NUFIP1: variants seen among roughly 807,000 people sequenced by gnomAD.
The protein encoded by NUFIP1 is nuclear FMR1 interacting protein 1, also known as FMR1-interacting protein NUFIP1.
A neutral mutation model predicts 56.2 loss-of-function variants in NUFIP1; 38 were observed. The observed-to-expected ratio is 0.68, with a 90% confidence interval of 0.52 to 0.89. NUFIP1 has a LOEUF of 0.89. Ranked by LOEUF, NUFIP1 falls within the 40% of genes least tolerant of loss-of-function variation. The pLI is 0.00. For synonymous variants in NUFIP1, 215 were observed against 212.4 expected (o/e 1.01, Z -0.10); for missense variants, 567 against 605.8 (o/e 0.94, Z 0.67).
At chr13:44,971,624 C>T (rs1409942308) in intron 5 of NUFIP1, among the ~76,000 whole-genome samples, 1 of 152,126 alleles carries the variant, frequency 6.6e-6, no homozygotes, top group Non-Finnish European at 1.5e-5. Flanking sequence ...ATCAACTCCA[C>T]TGCCACTGAA....
intron 1 of NUFIP1, among the ~76,000 whole-genome samples, chr13:44,984,153 G>C (rs1177669693): frequency 2.0e-5 from 3 of 152,022 alleles, no homozygotes; most frequent in African/African-American, 7.3e-5. Context: ...TCTCTACCTA[G>C]GAAACATCTC....
intron 5 of NUFIP1, among the ~76,000 whole-genome samples, chr13:44,972,516 C>A (rs912584342): frequency 6.6e-6 from 1 of 152,150 alleles, no homozygotes; most frequent in Admixed American, 6.5e-5. Context: ...GCCATCAGGG[C>A]ATAAGGCAAT....
chr13:44,944,996 T>C (rs1401928709), intron 8 of NUFIP1, among the ~76,000 whole-genome samples: 1 of 151,986 alleles, frequency 6.6e-6, no homozygotes, highest in Non-Finnish European at 1.5e-5. Context: ...CTGTAATGTG[T>C]AGGGTCTGAG....
intron 7 of NUFIP1, among the ~76,000 whole-genome samples, chr13:44,957,628 C>T (rs551048588): frequency 1.3e-5 from 2 of 152,186 alleles, no homozygotes; most frequent in African/African-American, 4.8e-5. Flanking sequence ...CTAAGACAAG[C>T]TTAAATAGAA....
intron 5 of NUFIP1, among the ~76,000 whole-genome samples, chr13:44,972,553 A>G (rs1276198646): frequency 3.3e-5 from 5 of 152,334 alleles, no homozygotes; most frequent in South Asian, 2.1e-4. Flanking sequence ...ACACTGTTCT[A>G]TATCTTGATT....
chr13:44,949,039 ATC>A (rs1161147188), intron 8 of NUFIP1, among the ~76,000 whole-genome samples: 1 of 152,174 alleles, frequency 6.6e-6, no homozygotes, highest in Non-Finnish European at 1.5e-5. Context: ...GTCATAAAAG[ATC>A]TCTCTCCATC....
At chr13:44,975,810 G>T (rs139188310) in intron 5 of NUFIP1, among the ~76,000 whole-genome samples, 143 of 152,308 alleles carry the variant, frequency 9.4e-4, no homozygotes, top group African/African-American at 3.4e-3. Flanking sequence ...TCGTAGAAAA[G>T]AGTAAAGTTG....
intron 8 of NUFIP1, among the ~76,000 whole-genome samples, chr13:44,944,741 T>C (rs1870856167): frequency 6.6e-6 from 1 of 151,900 alleles, no homozygotes; most frequent in South Asian, 2.1e-4. Flanking sequence ...ACTAAAATCA[T>C]TAACAGAAAA....
intron 7 of NUFIP1, 25 bp downstream of exon 7, chr13:44,959,356 T>C: frequency 4.4e-6 from 7 of 1,602,320 alleles, no homozygotes; most frequent in South Asian, 1.1e-5. Context: ...CACTTATAAA[T>C]ACGTTATTTT....
At chr13:44,941,669 A>G (rs1159766946) in intron 9 of NUFIP1, among the ~76,000 whole-genome samples, 1 of 151,740 alleles carries the variant, frequency 6.6e-6, no homozygotes, top group Non-Finnish European at 1.5e-5. Context: ...ACCCGCCACC[A>G]TGCCCGGCTA....
At chr13:44,982,853 T>C (rs1458269442) in intron 1 of NUFIP1, among the ~76,000 whole-genome samples, 2 of 151,922 alleles carry the variant, frequency 1.3e-5, no homozygotes, top group Non-Finnish European at 2.9e-5. Context: ...CAAAAAAATT[T>C]AAAAATTAGC....
intron 7 of NUFIP1, among the ~76,000 whole-genome samples, chr13:44,950,791 C>T (rs1028723572): frequency 6.6e-6 from 1 of 152,210 alleles, no homozygotes; most frequent in African/African-American, 2.4e-5. Flanking sequence ...AGCCCCAGGA[C>T]ACCACCTATT....
chr13:44,943,890 A>G (rs1870831083), intron 8 of NUFIP1, among the ~76,000 whole-genome samples: 1 of 152,220 alleles, frequency 6.6e-6, no homozygotes, highest in African/African-American at 2.4e-5. Context: ...GAAGACTACC[A>G]TGAAGAGCTA....
At chr13:44,959,237 C>T (rs1871338389) in intron 7 of NUFIP1, 144 bp downstream of exon 7, 4 of 726,376 alleles carry the variant, frequency 5.5e-6, no homozygotes, top group South Asian at 2.0e-5. Flanking sequence ...AAACAAGATG[C>T]TCCTATTAAA....
At chr13:44,969,372 A>G (rs181200432) in intron 5 of NUFIP1, among the ~76,000 whole-genome samples, 1 of 152,216 alleles carries the variant, frequency 6.6e-6, no homozygotes, top group Non-Finnish European at 1.5e-5. Context: ...GAAGGAGTTC[A>G]GGTTCCTAAA....
At chr13:44,943,359 C>CAT in intron 9 of NUFIP1, 83 bp downstream of exon 9, 1 of 1,147,516 alleles carries the variant, frequency 8.7e-7, no homozygotes, top group South Asian at 1.4e-5. Flanking sequence ...CAAACACACA[C>CAT]ACACACACAC....
At chr13:44,942,736 T>C (rs1593355455) in intron 9 of NUFIP1, among the ~76,000 whole-genome samples, 1 of 152,152 alleles carries the variant, frequency 6.6e-6, no homozygotes, top group East Asian at 1.9e-4. Flanking sequence ...AGAAAGCTAT[T>C]AGATTTTTGA....
intron 5 of NUFIP1, among the ~76,000 whole-genome samples, chr13:44,976,294 GGAAGGA>G (rs986820206): frequency 4.6e-5 from 7 of 151,866 alleles, no homozygotes; most frequent in African/African-American, 1.7e-4. Flanking sequence ...GAAGAAGGAA[GGAAGGA>G]GAAGGAGAAG....
intron 1 of NUFIP1, among the ~76,000 whole-genome samples, chr13:44,987,393 T>C (rs978806948): frequency 6.6e-6 from 1 of 151,858 alleles, no homozygotes; most frequent in East Asian, 1.9e-4. Context: ...AAAAAAAAAA[T>C]AAATAAAGTG....
Sources: allele counts gnomAD v4.1 joint callset (sites outside exome capture counted in the v4.1 genomes callset), GRCh38; gene constraint gnomAD v4.1.1; transcripts MANE v1.5; gene names NCBI Gene and HGNC (gene_info 2026-07-23, HGNC 2026-07-21).